Variants in NAALADL2 observed in about 807,000 individuals in gnomAD.
The protein encoded by NAALADL2 is inactive N-acetylated-alpha-linked acidic dipeptidase-like protein 2.
NAALADL2 carries 76 observed loss-of-function variants against 87.2 expected under a neutral mutation model. The observed-to-expected ratio is 0.87, with a 90% CI of 0.72 to 1.05. NAALADL2 has a LOEUF of 1.05. Among genes scored for constraint, NAALADL2 ranks in the 50% least tolerant of loss-of-function variants. The probability of loss-of-function intolerance (pLI) is 0.00; values close to 1 mark genes in which losing one functional copy is unlikely to be tolerated. For missense variants in NAALADL2, 1,089 were observed against 945.8 expected, an observed-to-expected ratio of 1.15 and a Z score of -1.99; for synonymous variants, 354 against 331.0, an observed-to-expected ratio of 1.07 and a Z score of -0.75.
chr3:175,494,252 T>A (rs559617430), intron 9 of NAALADL2, among the ~76,000 whole-genome samples: 1 of 152,136 alleles, frequency 6.6e-6, no homozygotes, highest in Admixed American at 6.6e-5. Flanking sequence ...TTCTATAATT[T>A]GTGATGTCTA....
intron 6 of NAALADL2, chr3:175,460,087 C>A: frequency 2.2e-6 from 1 of 445,114 alleles, no homozygotes; most frequent in South Asian, 1.6e-5. Flanking sequence ...GGATAAATTT[C>A]TAAGTACAGG....
chr3:175,407,247 A>T (rs1712580887), intron 5 of NAALADL2, among the ~76,000 whole-genome samples: 1 of 152,202 alleles, frequency 6.6e-6, no homozygotes, highest in African/African-American at 2.4e-5. Context: ...TTCCATGATA[A>T]ATCATTTTTT....
At chr3:175,316,412 T>G (rs1759142050) in intron 4 of NAALADL2, among the ~76,000 whole-genome samples, 1 of 152,124 alleles carries the variant, frequency 6.6e-6, no homozygotes. Context: ...AGCAAGGTGG[T>G]TATGTCGTTG....
At chr3:175,746,372 T>C (rs76760170) in intron 12 of NAALADL2, among the ~76,000 whole-genome samples, 4,600 of 151,852 alleles carry the variant, frequency 0.03, 172 homozygotes, top group African/African-American at 0.093. Flanking sequence ...TATGTTTTTT[T>C]TTTCTAAAAA....
intron 5 of NAALADL2, among the ~76,000 whole-genome samples, chr3:175,372,412 C>T (rs1367947675): frequency 3.3e-5 from 5 of 152,202 alleles, no homozygotes; most frequent in Non-Finnish European, 7.3e-5. Flanking sequence ...CCAAATACTT[C>T]TCTAAATATT....
chr3:175,664,252 G>A (rs187456436), intron 11 of NAALADL2, among the ~76,000 whole-genome samples: 17 of 152,178 alleles, frequency 1.1e-4, no homozygotes, highest in African/African-American at 3.8e-4. Flanking sequence ...GCTGTAGGGA[G>A]AACAAGAATA....
intron 3 of NAALADL2, among the ~76,000 whole-genome samples, chr3:174,821,342 A>C (rs925821394): frequency 6.6e-6 from 1 of 152,188 alleles, no homozygotes; most frequent in Non-Finnish European, 1.5e-5. Context: ...ATAATGAAAA[A>C]AAAATGTGTA....
chr3:175,451,092 C>G (rs1300088692), intron 6 of NAALADL2, among the ~76,000 whole-genome samples: 1 of 151,966 alleles, frequency 6.6e-6, no homozygotes, highest in Non-Finnish European at 1.5e-5. Flanking sequence ...GATTAGAGCC[C>G]TAAATAAAGC....
At chr3:175,335,070 T>C (rs777990457) in intron 5 of NAALADL2, among the ~76,000 whole-genome samples, 1 of 152,110 alleles carries the variant, frequency 6.6e-6, no homozygotes, top group Non-Finnish European at 1.5e-5. Flanking sequence ...CAACAGGCTC[T>C]CTCTTGACAG....
chr3:175,228,024 A>G (rs1261124690), intron 2 of NAALADL2, among the ~76,000 whole-genome samples: 2 of 151,998 alleles, frequency 1.3e-5, no homozygotes, highest in African/African-American at 4.8e-5. Context: ...CATATTTTCT[A>G]GAGACCAGTA....
At chr3:175,413,949 T>C (rs1361462754) in intron 5 of NAALADL2, among the ~76,000 whole-genome samples, 1 of 152,116 alleles carries the variant, frequency 6.6e-6, no homozygotes, top group African/African-American at 2.4e-5. Flanking sequence ...GGCTTGAGAG[T>C]TGGGGCCTTT....
chr3:175,078,144 C>A (rs1716991917), intron 1 of NAALADL2, among the ~76,000 whole-genome samples: 1 of 151,998 alleles, frequency 6.6e-6, no homozygotes, highest in Admixed American at 6.6e-5. Context: ...CCTGCCTCAG[C>A]CTCCTGAGTA....
intron 13 of NAALADL2, among the ~76,000 whole-genome samples, chr3:175,764,540 C>T (rs1461395279): frequency 1.1e-5 from 1 of 88,238 alleles, no homozygotes; most frequent in African/African-American, 5.5e-5. Flanking sequence ...CAAGCCAAGA[C>T]CATTTTTTTT....
chr3:175,752,952 T>C (rs1353245210), intron 12 of NAALADL2, among the ~76,000 whole-genome samples: 1 of 152,140 alleles, frequency 6.6e-6, no homozygotes, highest in Middle Eastern at 3.2e-3. Context: ...TCCCTTGAAG[T>C]TATCTATACA....
chr3:175,049,776 A>C (rs957063617), intron 1 of NAALADL2, among the ~76,000 whole-genome samples: 1 of 152,204 alleles, frequency 6.6e-6, no homozygotes, highest in African/African-American at 2.4e-5. Flanking sequence ...CAGAAAAATC[A>C]AGCATTAAGC....
chr3:175,781,975 T>A lies in NAALADL2; in HGVS notation c.2190-21030T>A, dbSNP rs1410227487. On this transcript the variant is annotated intron_variant, in intron 13 of 13. Transcript: ENST00000454872. ...GCAGTGTTTGGTTTTTTGTTCTTGC[T>A]ATAGTTTACTGAGAATGATGATTTC... is the stretch of plus-strand genomic sequence containing the variant. 2.7e-5 allele frequency among the ~76,000 whole-genome samples: 4 copies of A among 150,802 alleles called. No homozygotes were observed. The East Asian group carries it at 5.9e-4, about 22-fold the overall frequency.
chr3:174,905,748 C>G (rs941505010), intron 1 of NAALADL2, among the ~76,000 whole-genome samples: 1 of 151,962 alleles, frequency 6.6e-6, no homozygotes, highest in Admixed American at 6.6e-5. Flanking sequence ...CAGGATAAAT[C>G]TCTATTGTGG....
At chr3:175,500,881 T>C (rs1208907587) in intron 9 of NAALADL2, among the ~76,000 whole-genome samples, 1 of 152,052 alleles carries the variant, frequency 6.6e-6, no homozygotes, top group East Asian at 1.9e-4. Flanking sequence ...GAAAAATAAT[T>C]CTCTACACAC....
chr3:175,169,779 G>T (rs767788182), intron 2 of NAALADL2, among the ~76,000 whole-genome samples: 2 of 151,752 alleles, frequency 1.3e-5, no homozygotes, highest in African/African-American at 2.4e-5. Flanking sequence ...TTGGATGAGG[G>T]CTATTCTATT....
Sources: allele counts gnomAD v4.1 joint callset (sites outside exome capture counted in the v4.1 genomes callset), GRCh38; gene constraint gnomAD v4.1.1; transcripts MANE v1.5; gene names NCBI Gene and HGNC (gene_info 2026-07-23, HGNC 2026-07-21).